MPHOSPH9: variants seen among roughly 807,000 people sequenced by gnomAD.
The protein encoded by MPHOSPH9 is M-phase phosphoprotein 9.
Under a neutral mutation model 145.5 loss-of-function variants are expected in MPHOSPH9, and 88 were observed. The observed-to-expected ratio is 0.60, with a 90% CI of 0.51 to 0.72. MPHOSPH9 has a LOEUF of 0.72. MPHOSPH9 is among the 30% of genes least tolerant of loss of function. MPHOSPH9 has a pLI of 0.00. For missense variants in MPHOSPH9, 1,238 were observed against 1,386.6 expected (o/e 0.89, Z 1.70); for synonymous variants, 435 against 486.2 (o/e 0.89, Z 1.39).
intron 16 of MPHOSPH9, among the ~76,000 whole-genome samples, chr12:123,172,774 G>T (rs555575318): frequency 6.6e-6 from 1 of 151,760 alleles, no homozygotes; most frequent in African/African-American, 2.4e-5. Context: ...CTGCCAACTC[G>T]GTCTCTGCCA....
intron 5 of MPHOSPH9, among the ~76,000 whole-genome samples, chr12:123,220,711 GCAC>G (rs2138586905): frequency 6.6e-6 from 1 of 152,110 alleles, no homozygotes; most frequent in South Asian, 2.1e-4. Flanking sequence ...AGCTATGATT[GCAC>G]CACGGCACAC....
chr12:123,202,024 A>G (rs1320856957), intron 11 of MPHOSPH9, 140 bp downstream of exon 11: 2 of 903,106 alleles, frequency 2.2e-6, no homozygotes, highest in Non-Finnish European at 3.3e-6. Context: ...AGGGGGGTTT[A>G]GCTTCAAAAA....
At chr12:123,238,554 T>G (rs1463194310) in intron 1 of MPHOSPH9, among the ~76,000 whole-genome samples, 1 of 152,124 alleles carries the variant, frequency 6.6e-6, no homozygotes, top group Non-Finnish European at 1.5e-5. Context: ...GCAGATTGCT[T>G]GAGCTCAGGA....
At chr12:123,169,034 A>AC (rs1315215379) in intron 16 of MPHOSPH9, among the ~76,000 whole-genome samples, 1 of 150,742 alleles carries the variant, frequency 6.6e-6, no homozygotes, top group Non-Finnish European at 1.5e-5. Flanking sequence ...ACAGGCGCCC[A>AC]CCACCACGCC....
chr12:123,158,009 A>G (rs1268046366), intron 23 of MPHOSPH9, among the ~76,000 whole-genome samples: 2 of 148,386 alleles, frequency 1.3e-5, no homozygotes, highest in African/African-American at 5.2e-5. Context: ...TGGTTGGGGG[A>G]GACGGAGTCT....
rs768342141 is a variant in MPHOSPH9, at chr12:123,194,545, T to C, written c.2082A>G (p.Glu694=). The C allele has an allele frequency of 6.2e-7, 1 of 1,613,186 alleles. No individual in the cohort carries two copies. The highest frequency in any genetic ancestry group is 8.5e-7 in the Non-Finnish European group (1 of 1,179,904). The change falls in exon 13 of 24, where the codon GAA becomes GAG. Residue 694 remains glutamate (E), a synonymous_variant. Coordinates refer to ENST00000606320, the MANE Select transcript of MPHOSPH9 (RefSeq NM_022782.4). ...AASSASKILQ[E]RIEEMRTSSK... The stretch of plus-strand genomic sequence containing the variant: ...TGCTTGTTCTCATTTCTTCAATTCG[T>C]TCCTGCAAAATTTTGGAAGCACTGC...
intron 16 of MPHOSPH9, among the ~76,000 whole-genome samples, chr12:123,175,395 C>T (rs1370886961): frequency 3.3e-5 from 5 of 152,076 alleles, no homozygotes; most frequent in Non-Finnish European, 7.4e-5. Context: ...CCTTGTGATC[C>T]GCCCGCCTCG....
At chr12:123,235,233 T>C (rs146950036), upstream of MPHOSPH9, among the ~76,000 whole-genome samples, 170 of 152,252 alleles carry the variant, frequency 1.1e-3, 1 homozygote, top group African/African-American at 3.8e-3. Context: ...ATTCTACAGA[T>C]GAGGAATTAG....
chr12:123,208,533 C>CAAAAAAA (rs373218740), intron 8 of MPHOSPH9, among the ~76,000 whole-genome samples: 1 of 111,180 alleles, frequency 9.0e-6, no homozygotes, highest in Non-Finnish European at 1.7e-5. Context: ...GAAACTGTCT[C>CAAAAAAA]AAAAAAAAAA....
rs1246504506 is a variant in MPHOSPH9 at position 123,173,842 on chromosome 12, T to C, written c.2456+2846A>G. ...ATCTGTAATAAGTTGGTAAACATGA[T>C]TCTCTGAGTTCTATAAGCCACTCTG... On this transcript the variant is annotated intron_variant, in intron 16 of 23. Coordinates refer to ENST00000606320, the MANE Select transcript of MPHOSPH9 (RefSeq NM_022782.4). 2.6e-5 allele frequency among the ~76,000 whole-genome samples: 4 copies of C among 152,242 alleles called. No homozygotes were observed. In the East Asian group the frequency reaches 7.7e-4, roughly 29 times the overall value.
chr12:123,165,672 T>C, intron 17 of MPHOSPH9, 195 bp from the exon 18 acceptor site: 1 of 504,944 alleles, frequency 2.0e-6, no homozygotes, highest in Non-Finnish European at 3.5e-6. Context: ...AATGCCCTTA[T>C]GAAAAAGGGA....
At chr12:123,214,045 T>A (rs1334788303) in intron 7 of MPHOSPH9, among the ~76,000 whole-genome samples, 3 of 151,586 alleles carry the variant, frequency 2.0e-5, no homozygotes, top group Admixed American at 2.0e-4. Context: ...ATGTGGGATA[T>A]GGAAAAAAAA....
At chr12:123,200,612 A>C (rs1038213657) in intron 11 of MPHOSPH9, among the ~76,000 whole-genome samples, 3 of 148,266 alleles carry the variant, frequency 2.0e-5, no homozygotes, top group African/African-American at 7.4e-5. Context: ...CTTCTTTCAT[A>C]CTTGTTTTCC....
chr12:123,238,774 G>A (rs1044037073), intron 1 of MPHOSPH9, among the ~76,000 whole-genome samples: 1 of 152,084 alleles, frequency 6.6e-6, no homozygotes, highest in African/African-American at 2.4e-5. Context: ...TCAGAGCAGG[G>A]CCTGAAATCT....
intron 13 of MPHOSPH9, among the ~76,000 whole-genome samples, chr12:123,191,586 C>G (rs2045678467): frequency 6.6e-6 from 1 of 152,170 alleles, no homozygotes; most frequent in African/African-American, 2.4e-5. Context: ...AGCCATCACA[C>G]TCAGCCTAGC....
intron 1 of MPHOSPH9, among the ~76,000 whole-genome samples, chr12:123,232,007 C>T (rs571469241): frequency 3.9e-4 from 58 of 150,374 alleles, no homozygotes; most frequent in Non-Finnish European, 7.7e-4. Flanking sequence ...GGACCATTTC[C>T]TTCAGGGACA....
intron 13 of MPHOSPH9, among the ~76,000 whole-genome samples, chr12:123,182,090 G>A (rs896704462): frequency 1.3e-5 from 2 of 151,572 alleles, no homozygotes; most frequent in Non-Finnish European, 1.5e-5. Context: ...ACAGGCGCAC[G>A]CCACCATGCC....
intron 8 of MPHOSPH9, 103 bp from the exon 9 acceptor site, chr12:123,203,478 A>G: frequency 9.5e-7 from 1 of 1,047,122 alleles, no homozygotes; most frequent in Non-Finnish European, 1.4e-6. Context: ...CTTTAAGCAA[A>G]TTGAAAATGT....
intron 11 of MPHOSPH9, among the ~76,000 whole-genome samples, chr12:123,201,512 TG>T (rs2046218642): frequency 6.6e-6 from 1 of 152,030 alleles, no homozygotes; most frequent in Admixed American, 6.6e-5. Context: ...CCCCAGTAAG[TG>T]GGACCACAGG....
Sources: allele counts gnomAD v4.1 joint callset (sites outside exome capture counted in the v4.1 genomes callset), GRCh38; gene constraint gnomAD v4.1.1; transcripts MANE v1.5; gene names NCBI Gene and HGNC (gene_info 2026-07-23, HGNC 2026-07-21).